STOX2: variants seen among roughly 807,000 people sequenced by gnomAD.
STOX2 encodes the protein storkhead box 2, also known as storkhead-box protein 2.
Under a neutral mutation model 60.9 loss-of-function variants are expected in STOX2, and 28 were observed. The ratio of observed to expected loss-of-function variants is 0.46; its 90% CI spans 0.34 to 0.63. The LOEUF is 0.63. Ranked by LOEUF, STOX2 falls within the 30% of genes least tolerant of loss-of-function variation. The probability of loss-of-function intolerance (pLI) is 0.01; values close to 1 mark genes in which losing one functional copy is unlikely to be tolerated. For missense variants in STOX2, 1,024 were observed against 1,187.7 expected, an observed-to-expected ratio of 0.86 and a Z score of 2.03; for synonymous variants, 472 against 463.9, an observed-to-expected ratio of 1.02 and a Z score of -0.22.
At chr4:183,914,882 A>G (rs977514931) in intron 1 of STOX2, among the ~76,000 whole-genome samples, 2 of 152,188 alleles carry the variant, frequency 1.3e-5, no homozygotes, top group African/African-American at 4.8e-5. Context: ...TAGTGTTCTC[A>G]TCTATTCAGA....
At chr4:183,834,862 G>A (rs114112804) in intron 1 of STOX2, among the ~76,000 whole-genome samples, 104 of 152,322 alleles carry the variant, frequency 6.8e-4, no homozygotes, top group Non-Finnish European at 8.4e-4. Context: ...TACAGTGGAA[G>A]AGACAGGTAA....
chr4:184,018,769 A>G lies in STOX2; in HGVS notation c.*1485A>G, dbSNP rs1480995214. 1 of 152,224 alleles carries G rather than the reference A, an allele frequency of 6.6e-6. No homozygotes were observed. The highest frequency in any genetic ancestry group is 1.5e-5 in the Non-Finnish European group (1 of 68,032). 9.4% of individuals were successfully genotyped at this position (152,224 alleles called of 1,614,324 possible). A position where few individuals can be genotyped will look rare whatever the true frequency, so the allele number is the denominator to read the frequency against. On this transcript the variant is annotated 3_prime_UTR_variant, in exon 4 of 4. Coordinates refer to ENST00000308497, the MANE Select transcript of STOX2 (RefSeq NM_020225.3). ...CATCTTATAGCAAGGAGACATTCCAACGTTCCCATGTTTTATTTTCTGAGA... is the reference window on the plus strand; with the variant it reads ...CATCTTATAGCAAGGAGACATTCCAGCGTTCCCATGTTTTATTTTCTGAGA...
At chr4:183,918,407 G>A (rs1741992729) in intron 1 of STOX2, among the ~76,000 whole-genome samples, 1 of 152,166 alleles carries the variant, frequency 6.6e-6, no homozygotes, top group Non-Finnish European at 1.5e-5. Context: ...GGGAAATTGT[G>A]CCCCATATAA....
In STOX2 at chr4:183,844,152, A is replaced by G. The variant is rs533390127; in HGVS notation, c.364+46097A>G. ...ATTCTGGAATATAAATCTCTGAAAA[A>G]GGGACACCCCATTGCAAGTAGATAT... is the stretch of plus-strand genomic sequence containing the variant. On this transcript the variant is annotated intron_variant, in intron 1 of 2. Coordinates refer to the STOX2 transcript ENST00000513034. 2.1e-4 allele frequency among the ~76,000 whole-genome samples: 32 copies of G among 152,312 alleles called. No individual in the cohort carries two copies. In the South Asian group the frequency reaches 6.6e-3, roughly 32 times the overall value.
intron 1 of STOX2, among the ~76,000 whole-genome samples, chr4:183,938,669 C>CAAAAAA (rs10577405): frequency 2.4e-5 from 2 of 82,510 alleles, no homozygotes; most frequent in African/African-American, 4.5e-5. Flanking sequence ...ACTCCGTCTC[C>CAAAAAA]AAAAAAAAAA....
At chr4:183,936,053 A>G (rs929222787) in intron 1 of STOX2, among the ~76,000 whole-genome samples, 2 of 152,260 alleles carry the variant, frequency 1.3e-5, no homozygotes, top group African/African-American at 4.8e-5. Context: ...GACAAAAGAA[A>G]TGCTTTCCTG....
chr4:183,822,942 G>A (rs1331599324), intron 1 of STOX2, among the ~76,000 whole-genome samples: 6 of 152,208 alleles, frequency 3.9e-5, no homozygotes, highest in Non-Finnish European at 7.3e-5. Flanking sequence ...CTGACTCCAC[G>A]GCTGAGCCTG....
intron 1 of STOX2, among the ~76,000 whole-genome samples, chr4:183,850,432 A>T (rs572489446): frequency 1.2e-3 from 179 of 152,126 alleles, no homozygotes; most frequent in African/African-American, 3.9e-3. Context: ...ATTTCTTTTT[A>T]AAAAAAGTCA....
chr4:183,820,658 G>A (rs1288522116), intron 1 of STOX2, among the ~76,000 whole-genome samples: 1 of 152,200 alleles, frequency 6.6e-6, no homozygotes, highest in Admixed American at 6.5e-5. Context: ...ATTAGGCTAT[G>A]TATCTTGCAA....
intron 1 of STOX2, among the ~76,000 whole-genome samples, chr4:183,820,469 C>G (rs909847309): frequency 2.6e-5 from 4 of 152,176 alleles, no homozygotes; most frequent in African/African-American, 7.2e-5. Context: ...CTCATCCCTG[C>G]TCTACTCTTT....
intron 3 of STOX2, among the ~76,000 whole-genome samples, chr4:184,013,238 T>C (rs1046121779): frequency 2.6e-5 from 4 of 152,274 alleles, no homozygotes; most frequent in Non-Finnish European, 4.4e-5. Flanking sequence ...TGAAAGTTTT[T>C]TGTTTGTTTG....
At chr4:183,930,384 A>G (rs938786816) in intron 1 of STOX2, among the ~76,000 whole-genome samples, 3 of 150,422 alleles carry the variant, frequency 2.0e-5, no homozygotes, top group Non-Finnish European at 4.4e-5. Flanking sequence ...ACAGGGTCTT[A>G]CTCTGTCACC....
At position 183,873,277 on chromosome 4, in the gene STOX2, G is replaced by A. The variant is rs146650206; in HGVS notation, c.364+75222G>A. On this transcript the variant is annotated intron_variant, in intron 1 of 2. Coordinates refer to the STOX2 transcript ENST00000513034. ...AGCCTGACCAACATGGAGAAACGCC[G>A]TCTCTACTAAAATGCAAAATTAGCC... Among the ~76,000 whole-genome samples, 104 of 152,146 alleles carry A rather than the reference G, an allele frequency of 6.8e-4. 2 individuals are homozygous for A. The East Asian group carries it at 0.011, about 16-fold the overall frequency.
intron 1 of STOX2, among the ~76,000 whole-genome samples, chr4:183,930,873 T>A (rs7670895): frequency 1 from 151,629 of 152,366 alleles, 75,453 homozygotes; most frequent in Middle Eastern, 1. Context: ...TCCTAGAATC[T>A]TATGTGGTTT....
chr4:183,978,040 G>A (rs1732509897), intron 1 of STOX2, among the ~76,000 whole-genome samples: 1 of 152,154 alleles, frequency 6.6e-6, no homozygotes, highest in South Asian at 2.1e-4. Context: ...TTCTCCCATT[G>A]TGTAGGATGT....
chr4:184,003,593 T>C (rs557389988), intron 2 of STOX2, among the ~76,000 whole-genome samples: 27 of 152,344 alleles, frequency 1.8e-4, no homozygotes, highest in Non-Finnish European at 3.8e-4. Context: ...TTTGCTAACC[T>C]GCAGGCCTAG....
intron 1 of STOX2, among the ~76,000 whole-genome samples, chr4:183,955,673 C>T (rs1288534783): frequency 3.9e-5 from 6 of 152,216 alleles, no homozygotes; most frequent in Admixed American, 6.5e-5. Flanking sequence ...TGCTGGGCCA[C>T]ATCTCTAGTA....
intron 1 of STOX2, among the ~76,000 whole-genome samples, chr4:183,978,950 T>C (rs1383943965): frequency 6.6e-6 from 1 of 152,236 alleles, no homozygotes; most frequent in Non-Finnish European, 1.5e-5. Flanking sequence ...ATTTTGTATA[T>C]GTTAATTTTC....
At chr4:183,977,565 A>G (rs866712852) in intron 1 of STOX2, among the ~76,000 whole-genome samples, 7 of 43,900 alleles carry the variant, frequency 1.6e-4, no homozygotes, top group Admixed American at 6.9e-4. Flanking sequence ...GTGTGTGTGT[A>G]TCACATTTTT....
Sources: gnomAD v4.1 joint callset for allele counts (sites outside exome capture counted in the v4.1 genomes callset) on GRCh38, gnomAD v4.1.1 for gene constraint, MANE v1.5 for transcripts, NCBI Gene and HGNC (gene_info 2026-07-23, HGNC 2026-07-21) for gene names.